The following MPPED2 variants were observed in gnomAD, a reference collection of about 807,000 sequenced individuals.
MPPED2 encodes the protein metallophosphoesterase MPPED2.
MPPED2 carries 5 observed loss-of-function variants against 33.0 expected under a neutral mutation model. That is an observed-to-expected ratio of 0.15 (90% CI 0.08 to 0.32). MPPED2 has a LOEUF of 0.32. MPPED2 is among the 10% of genes least tolerant of loss of function. The pLI is 1.00. For missense variants in MPPED2, 275 were observed against 372.1 expected (o/e 0.74, Z 2.15); for synonymous variants, 136 against 141.9 (o/e 0.96, Z 0.29).
chr11:30,488,376 A>G (rs1042308660), intron 4 of MPPED2, among the ~76,000 whole-genome samples: 1 of 152,234 alleles, frequency 6.6e-6, no homozygotes, highest in Non-Finnish European at 1.5e-5. Flanking sequence ...AACGGTTGCT[A>G]TGAAGCATAA....
At chr11:30,418,761 A>G (rs1346709565) in intron 4 of MPPED2, among the ~76,000 whole-genome samples, 2 of 152,226 alleles carry the variant, frequency 1.3e-5, no homozygotes, top group African/African-American at 4.8e-5. Context: ...AGCTAATCAA[A>G]TGGAGTGCAC....
chr11:30,582,333 G>GA (rs1270480280), intron 1 of MPPED2, among the ~76,000 whole-genome samples: 2 of 152,162 alleles, frequency 1.3e-5, no homozygotes, highest in Non-Finnish European at 2.9e-5. Context: ...CACAGAGGGG[G>GA]AAAAATTCAC....
At chr11:30,523,719 C>T (rs1954004776) in intron 3 of MPPED2, among the ~76,000 whole-genome samples, 2 of 150,798 alleles carry the variant, frequency 1.3e-5, no homozygotes, top group Admixed American at 6.6e-5. Context: ...CCTCCACATC[C>T]CAGGTTCAAG....
chr11:30,524,473 T>A (rs1313265884), intron 3 of MPPED2, among the ~76,000 whole-genome samples: 2 of 152,138 alleles, frequency 1.3e-5, no homozygotes, highest in Admixed American at 6.5e-5. Flanking sequence ...AATATCAGTA[T>A]GTTGGGAGGG....
intron 3 of MPPED2, chr11:30,504,914 G>A (rs759961914): frequency 7.2e-5 from 52 of 722,160 alleles, no homozygotes; most frequent in Admixed American, 2.3e-4. Context: ...CAGGGGATGC[G>A]GAGTGAAAGC....
At chr11:30,586,458 C>T (rs1039111299), upstream of MPPED2, among the ~76,000 whole-genome samples, 2 of 152,010 alleles carry the variant, frequency 1.3e-5, no homozygotes, top group African/African-American at 2.4e-5. The surrounding 1 kb of genome is among the most constrained non-coding windows in gnomAD (Gnocchi z 4.8). Flanking sequence ...CCCCTGCACG[C>T]CCCTCCCGCA....
intron 1 of MPPED2, among the ~76,000 whole-genome samples, chr11:30,581,339 T>C (rs1271087636): frequency 1.3e-5 from 2 of 152,214 alleles, no homozygotes; most frequent in Non-Finnish European, 2.9e-5. Context: ...TTAGTTCTGA[T>C]TTTTTCATAA....
At chr11:30,411,736 A>G (rs997888720) in intron 6 of MPPED2, 150 bp from the exon 7 acceptor site, 25 of 466,316 alleles carry the variant, frequency 5.4e-5, no homozygotes, top group Non-Finnish European at 8.1e-5. Flanking sequence ...GACTTTCAGA[A>G]GCTACTGCCC....
chr11:30,454,474 GA>G (rs1950195390), intron 4 of MPPED2, among the ~76,000 whole-genome samples: 1 of 151,646 alleles, frequency 6.6e-6, no homozygotes, highest in African/African-American at 2.4e-5. Flanking sequence ...ATCACCAGAG[GA>G]AAAAAAATTA....
At chr11:30,415,828 T>C (rs1948325951) in intron 5 of MPPED2, among the ~76,000 whole-genome samples, 1 of 152,242 alleles carries the variant, frequency 6.6e-6, no homozygotes, top group South Asian at 2.1e-4. Flanking sequence ...GATAAGTTTG[T>C]TCTGTTCAAA....
intron 6 of MPPED2, 29 bp downstream of exon 6, chr11:30,414,199 T>C: frequency 6.6e-7 from 1 of 1,510,298 alleles, no homozygotes; most frequent in East Asian, 2.3e-5. Context: ...GGGCACAAAA[T>C]GTTTTGAATT....
At chr11:30,496,313 G>A (rs1316458620) in intron 3 of MPPED2, among the ~76,000 whole-genome samples, 2 of 152,170 alleles carry the variant, frequency 1.3e-5, no homozygotes, top group Non-Finnish European at 2.9e-5. Context: ...TATAATGTTT[G>A]AATAAAGTAC....
intron 2 of MPPED2, among the ~76,000 whole-genome samples, chr11:30,545,277 T>A (rs1347650584): frequency 6.6e-6 from 1 of 152,172 alleles, no homozygotes; most frequent in African/African-American, 2.4e-5. Flanking sequence ...AATTTATTGC[T>A]AAGAATCTAG....
chr11:30,457,839 T>C (rs992320476), intron 4 of MPPED2, among the ~76,000 whole-genome samples: 6 of 152,148 alleles, frequency 3.9e-5, no homozygotes, highest in Admixed American at 3.9e-4. Flanking sequence ...GCCAAACTCA[T>C]ACGTGAGTCT....
chr11:30,545,999 G>A (rs7940599), intron 2 of MPPED2, among the ~76,000 whole-genome samples: 34,756 of 151,984 alleles, frequency 0.23, 4,289 homozygotes, highest in East Asian at 0.41. Context: ...AGCTGGGACT[G>A]CAGGTGTCTG....
intron 6 of MPPED2, among the ~76,000 whole-genome samples, chr11:30,401,865 T>A: frequency 1.1e-5 from 1 of 94,834 alleles, no homozygotes. Flanking sequence ...TTTGTATTTT[T>A]TTTTTTTTCT....
intron 4 of MPPED2, among the ~76,000 whole-genome samples, chr11:30,472,285 T>G (rs889142720): frequency 2.6e-5 from 4 of 152,068 alleles, no homozygotes; most frequent in African/African-American, 9.7e-5. Flanking sequence ...TGCTTGAACC[T>G]GGAAGCTTGA....
chr11:30,498,345 G>A (rs529449179), intron 3 of MPPED2, among the ~76,000 whole-genome samples: 4 of 152,194 alleles, frequency 2.6e-5, no homozygotes, highest in East Asian at 1.9e-4. Context: ...AGCACTTTGG[G>A]AGGTCAAGAC....
chr11:30,394,441 C>T (rs1030069105), intron 6 of MPPED2, among the ~76,000 whole-genome samples: 1 of 152,044 alleles, frequency 6.6e-6, no homozygotes, highest in South Asian at 2.1e-4. Flanking sequence ...TTGATATTAT[C>T]AGGCTTTTTT....
Sources: gnomAD v4.1 joint callset for allele counts (sites outside exome capture counted in the v4.1 genomes callset) on GRCh38, gnomAD v4.1.1 for gene constraint, Gnocchi (gnomAD v3.1) non-coding constraint, MANE v1.5 for transcripts, NCBI Gene and HGNC (gene_info 2026-07-23, HGNC 2026-07-21) for gene names.